Variants in HEATR9 observed in about 807,000 individuals in gnomAD.
The protein encoded by HEATR9 is protein HEATR9.
Under a neutral mutation model 68.2 loss-of-function variants are expected in HEATR9, and 54 were observed. The observed-to-expected ratio is 0.79, with a 90% CI of 0.64 to 0.99. The LOEUF (loss-of-function observed/expected upper bound fraction) is 0.99, where lower values mean the gene tolerates loss of function less well. Ranked by LOEUF, HEATR9 falls within the 50% of genes least tolerant of loss-of-function variation. The pLI, the probability that HEATR9 is intolerant of heterozygous loss-of-function variation, is 0.00. For synonymous variants in HEATR9, 241 were observed against 253.5 expected, an observed-to-expected ratio of 0.95 and a Z score of 0.47; for missense variants, 662 against 679.7, an observed-to-expected ratio of 0.97 and a Z score of 0.29.
intron 2 of HEATR9, among the ~76,000 whole-genome samples, 191 bp downstream of exon 2, chr17:35,866,533 C>T (rs1331244661): frequency 6.6e-6 from 1 of 152,120 alleles, no homozygotes; most frequent in Non-Finnish European, 1.5e-5. Flanking sequence ...GGGAGGTGGA[C>T]AGGGGTTAGC....
At chr17:35,858,076 T>G in intron 11 of HEATR9, 124 bp downstream of exon 11, 2 of 1,360,272 alleles carry the variant, frequency 1.5e-6, no homozygotes, top group Non-Finnish European at 2.1e-6. Flanking sequence ...CTGGGCTGCA[T>G]TAGTTGAACA....
At chr17:35,856,383 A>G in intron 12 of HEATR9, 159 bp from the exon 13 acceptor site, 1 of 1,554,378 alleles carries the variant, frequency 6.4e-7, no homozygotes, top group African/African-American at 1.4e-5. Context: ...GGGCAGGGAG[A>G]GGAAAAAGAG....
intron 3 of HEATR9, 23 bp from the exon 4 acceptor site, chr17:35,864,913 A>G (rs373318929): frequency 6.2e-7 from 1 of 1,614,088 alleles, no homozygotes; most frequent in Non-Finnish European, 8.5e-7. Context: ...TTGCATAGGC[A>G]GCTTTGGTCC....
At chr17:35,857,714 G>C (rs979170533) in intron 11 of HEATR9, among the ~76,000 whole-genome samples, 1 of 151,842 alleles carries the variant, frequency 6.6e-6, no homozygotes, top group Non-Finnish European at 1.5e-5. Context: ...AGCCAAGATC[G>C]CGCCACTGCA....
At chr17:35,863,596 G>A (rs774135580) in intron 6 of HEATR9, 37 bp from the exon 7 acceptor site, 1 of 1,598,538 alleles carries the variant, frequency 6.3e-7, no homozygotes, top group South Asian at 1.1e-5. Flanking sequence ...CATATAATAA[G>A]GTGATGGAAT....
At chr17:35,859,174 A>G (rs1322913969) in intron 8 of HEATR9, 104 bp from the exon 9 acceptor site, 1 of 1,037,350 alleles carries the variant, frequency 9.6e-7, no homozygotes, top group Admixed American at 2.4e-5. Flanking sequence ...AATCTTGTGC[A>G]TCAGATTATT....
At chr17:35,864,418 C>G (rs571714369) in intron 5 of HEATR9, 79 bp downstream of exon 5, 1 of 1,552,132 alleles carries the variant, frequency 6.4e-7, no homozygotes, top group Non-Finnish European at 8.9e-7. Flanking sequence ...CAACCACCAT[C>G]ACGTCAAGCA....
intron 2 of HEATR9, 140 bp downstream of exon 2, chr17:35,866,584 G>A: frequency 2.6e-6 from 2 of 764,956 alleles, no homozygotes; most frequent in Admixed American, 2.2e-5. Flanking sequence ...GGGGGAAAGT[G>A]ACTGTTCAAG....
At chr17:35,860,674 A>G (rs1321170506) in intron 8 of HEATR9, among the ~76,000 whole-genome samples, 1 of 150,996 alleles carries the variant, frequency 6.6e-6, no homozygotes, top group Non-Finnish European at 1.5e-5. Context: ...TATTTTTAGT[A>G]GAGACCGGGT....
At chr17:35,866,493 A>G (rs2088202037) in intron 2 of HEATR9, among the ~76,000 whole-genome samples, 1 of 152,194 alleles carries the variant, frequency 6.6e-6, no homozygotes, top group Non-Finnish European at 1.5e-5. Flanking sequence ...CCAAGGCCTC[A>G]TAGACTTTGT....
chr17:35,863,140 G>A lies in HEATR9; in HGVS notation c.626-15C>T, dbSNP rs1441128226. ...ATTCAGGCAACCTGGACAGGGAGGG[G>A]CCTCAAGTCAGGGCAGAGCCTCTGG... On this transcript the variant is annotated splice_polypyrimidine_tract_variant and intron_variant, in intron 7 of 14. Transcript: ENST00000604834. 1.2e-6 allele frequency: 2 copies of A among 1,613,350 alleles called. No homozygotes were observed. The highest frequency in any genetic ancestry group is 1.3e-5 in the African/African-American group (1 of 75,024).
rs137868632 is a variant in HEATR9 at position 35,858,212 on chromosome 17, A to G, written c.1140T>C (p.Asn380=). Residue 380 remains asparagine (N), a synonymous_variant, in exon 11 of 15, where the codon AAT becomes AAC. Coordinates refer to ENST00000604834, the MANE Select transcript of HEATR9 (RefSeq NM_152781.4). ...TGGTCTCACTTACAAGGAAGGGTTCATTATGCGTCTTCCTCCTGAGCAGGT... is the reference window on the plus strand; with the variant it reads ...TGGTCTCACTTACAAGGAAGGGTTCGTTATGCGTCTTCCTCCTGAGCAGGT... The part of the protein sequence containing the change: ...TFNLLRRKTH[N]EPFLAVRQAV... 3.1e-6 allele frequency: 5 copies of G among 1,614,028 alleles called. No individual in the cohort carries two copies. In the African/African-American group the frequency reaches 4.0e-5, roughly 13 times the overall value.
At position 35,868,808 on chromosome 17, in the gene HEATR9, G is replaced by A. The variant is rs2088302731; in HGVS notation, c.-66C>T. The A allele has an allele frequency of 1.4e-6, 2 of 1,429,436 alleles. No individual in the cohort carries two copies. Among genetic ancestry groups the A allele is most frequent in the African/African-American group, 2.8e-5 (2 of 71,550 alleles). The allele number at this position is 1,429,436 out of a possible 1,614,324, so 88.5% of individuals were successfully genotyped here. On this transcript the variant is annotated 5_prime_UTR_variant, in exon 1 of 15. Coordinates refer to ENST00000604834, the MANE Select transcript of HEATR9 (RefSeq NM_152781.4). ...AATACAAGGCTTTTAGGGGAGTGGG[G>A]GCACAGCTGGAGGAGACCTGTCCTC...
chr17:35,859,111 C>T (rs781607594), intron 8 of HEATR9, 41 bp from the exon 9 acceptor site: 7 of 1,560,626 alleles, frequency 4.5e-6, no homozygotes, highest in African/African-American at 1.4e-5. Context: ...GGGCTATGTA[C>T]TTTATGCCAG....
At chr17:35,858,175 G>T (rs1203281110) in intron 11 of HEATR9, 25 bp downstream of exon 11, 21 of 1,614,074 alleles carry the variant, frequency 1.3e-5, no homozygotes, top group South Asian at 2.2e-5. Flanking sequence ...GTGTCTCTGG[G>T]CTTGGGAGCT....
At chr17:35,861,478 C>G in intron 8 of HEATR9, 1 of 1,426,808 alleles carries the variant, frequency 7.0e-7, no homozygotes, top group Middle Eastern at 2.5e-4. Flanking sequence ...TTTACAAAAT[C>G]TGAACACCTT....
intron 8 of HEATR9, chr17:35,860,979 G>A (rs1036872688): frequency 2.1e-5 from 11 of 530,586 alleles, no homozygotes; most frequent in African/African-American, 1.3e-4. Context: ...CCGGGAGGCC[G>A]AGGTTGCAGT....
chr17:35,860,520 C>T (rs188620667), intron 8 of HEATR9, among the ~76,000 whole-genome samples: 11 of 147,518 alleles, frequency 7.5e-5, no homozygotes, highest in Middle Eastern at 3.6e-3. Flanking sequence ...GATGGAGTCT[C>T]GCTCTGTTGC....
intron 8 of HEATR9, among the ~76,000 whole-genome samples, chr17:35,859,391 C>T (rs1183871198): frequency 6.6e-6 from 1 of 152,204 alleles, no homozygotes; most frequent in Non-Finnish European, 1.5e-5. Flanking sequence ...CCACTAATCC[C>T]ACTGAGAGAC....
Sources: gnomAD v4.1 joint callset for allele counts (sites outside exome capture counted in the v4.1 genomes callset) on GRCh38, gnomAD v4.1.1 for gene constraint, MANE v1.5 for transcripts, NCBI Gene and HGNC (gene_info 2026-07-23, HGNC 2026-07-21) for gene names.